The following MSS51 variants were observed in gnomAD, a reference collection of about 807,000 sequenced individuals.
The protein encoded by MSS51 is MSS51 mitochondrial translational activator, also known as putative protein MSS51 homolog, mitochondrial.
Under a neutral mutation model 40.2 loss-of-function variants are expected in MSS51, and 32 were observed. The ratio of observed to expected loss-of-function variants is 0.80; its 90% CI spans 0.60 to 1.07. The LOEUF is 1.07. Among genes scored for constraint, MSS51 ranks in the 50% least tolerant of loss-of-function variants. The pLI is 0.00. For synonymous variants in MSS51, 178 were observed against 214.2 expected (o/e 0.83, Z 1.48); for missense variants, 518 against 568.9 (o/e 0.91, Z 0.91).
Position 73,427,694 on chromosome 10 carries a change from TC to T in MSS51, c.295del (p.Glu99LysfsTer95), listed in dbSNP as rs1191044211. On this transcript the variant is annotated frameshift_variant, in exon 3 of 7. Coordinates refer to ENST00000299432, the MANE Select transcript of MSS51 (RefSeq NM_001024593.2). LOFTEE classifies it high-confidence loss of function. ...RCPQEMFQRMEDTFRFCAHCR... is the reference protein window; with the variant it reads ...RCPQEMFQRMXDTFRFCAHCR... ...GTGAGCACAGAATCGAAATGTGTCT[TC>T]CATCCTCTGGAACATTTCTTGAGGA... 1 of 1,614,202 alleles carries T rather than the reference TC, an allele frequency of 6.2e-7. No homozygotes were observed. The highest frequency in any genetic ancestry group is 1.1e-5 in the South Asian group (1 of 91,082).
In MSS51 at chr10:73,425,926, C is replaced by G. The variant is rs2055983228; in HGVS notation, c.954G>C (p.Leu318=). 1 of 1,614,152 alleles carries G rather than the reference C, an allele frequency of 6.2e-7. No homozygotes were observed. Among genetic ancestry groups the G allele is most frequent in the Non-Finnish European group, 8.5e-7 (1 of 1,180,034 alleles). The change falls in exon 5 of 7, where the codon CTG becomes CTC. Residue 318 remains leucine (L), a synonymous_variant. Transcript: ENST00000299432. The part of the protein sequence containing the change: ...GFSQSTSTSP[L]EPGTIQLSAH... The stretch of plus-strand genomic sequence containing the variant: ...CACTAAGCTGAATTGTGCCAGGTTC[C>G]AGGGGTGAAGTTGAGGTGCTCTGTG...
Position 73,427,665 on chromosome 10 carries a change from T to TAC in MSS51, c.323_324dup (p.Arg109ValfsTer86). The TAC allele has an allele frequency of 1.2e-6, 2 of 1,614,054 alleles. No homozygotes were observed. The highest frequency in any genetic ancestry group is 2.7e-5 in the African/African-American group (2 of 75,044). On this transcript the variant is annotated frameshift_variant, in exon 3 of 7. Coordinates refer to ENST00000299432, the MANE Select transcript of MSS51 (RefSeq NM_001024593.2). LOFTEE classifies it high-confidence loss of function. ...TCTGAAAGCCCACTAGGGAGTGCTC[T>TAC]ACAGTGAGCACAGAATCGAAATGTG...
chr10:73,426,721 C>A lies in MSS51; in HGVS notation c.388G>T (p.Val130Phe). 3 of 1,613,974 alleles carry A rather than the reference C, an allele frequency of 1.9e-6. No homozygotes were observed. The highest frequency in any genetic ancestry group is 2.5e-6 in the Non-Finnish European group (3 of 1,179,972). The change falls in exon 4 of 7, where the codon GTC (valine) becomes TTC (phenylalanine). Residue 130 changes from valine (V) to phenylalanine (F), a missense_variant. Transcript: ENST00000299432. ...TGGCACTCTGGACCACAGTAATAGA[C>A]ATTTCTGCACCTGAGAGAATGAGAG... is the stretch of plus-strand genomic sequence containing the variant. ...VLRHCKRCRN[V>F]YYCGPECQKS...
At chr10:73,428,868 T>C (rs942063798) in intron 1 of MSS51, among the ~76,000 whole-genome samples, 1 of 152,012 alleles carries the variant, frequency 6.6e-6, no homozygotes, top group Admixed American at 6.6e-5. Flanking sequence ...CACATATATA[T>C]ATATAAGTAA....
At position 73,428,262 on chromosome 10, in the gene MSS51, C is replaced by T. The variant is rs745874433; in HGVS notation, c.23G>A (p.Arg8Gln). ...TGATGAGGGAGGTTTCTTGTGCCTTCGTCGCCGGGACCGTGGAGCCATGGC... is the reference window on the plus strand; with the variant it reads ...TGATGAGGGAGGTTTCTTGTGCCTTTGTCGCCGGGACCGTGGAGCCATGGC... MAPRSRR[R>Q]RHKKPPSSVA... The change falls in exon 2 of 7, where the codon CGA becomes CAA. Residue 8 changes from arginine (R) to glutamine (Q), a missense_variant. Arg to Gln is a conservative substitution (Grantham distance 43). Transcript: ENST00000299432. The T allele has an allele frequency of 2.0e-5, 33 of 1,612,810 alleles. No homozygotes were observed. The highest frequency in any genetic ancestry group is 2.6e-5 in the Non-Finnish European group (31 of 1,179,306).
Position 73,424,595 on chromosome 10 carries a change from C to T in MSS51, c.1341G>A (p.Leu447=), listed in dbSNP as rs978180868. 6.2e-6 allele frequency: 10 copies of T among 1,613,972 alleles called. No individual in the cohort carries two copies. In the African/African-American group the frequency reaches 9.3e-5, roughly 15 times the overall value. Residue 447 remains leucine (L), a synonymous_variant, in exon 7 of 7, where the codon CTG becomes CTA. Transcript: ENST00000299432. ...CTTTCTCTTCTAATTGCCTATTATC[C>T]AGCTGACAGGAGCTTCCAAGAAACA... The part of the protein sequence containing the change: ...YIMFLGSSCQ[L]DNRQLEEKVD...
Position 73,427,640 on chromosome 10 carries a change from T to C in MSS51, c.350A>G (p.Asp117Gly). Residue 117 changes from aspartate (D) to glycine (G), a missense_variant, in exon 3 of 7, where the codon GAC (aspartate) becomes GGC (glycine). Asp to Gly is a moderately conservative substitution (Grantham distance 94). Coordinates refer to ENST00000299432, the MANE Select transcript of MSS51 (RefSeq NM_001024593.2). ...CTTACAGTGCCGGAGAACCTTGGAG[T>C]CTGAAAGCCCACTAGGGAGTGCTCT... is the stretch of plus-strand genomic sequence containing the variant. Reference protein sequence around the residue: ...HCRALPSGLSDSKVLRHCKRC... With the variant: ...HCRALPSGLSGSKVLRHCKRC... 6.2e-7 allele frequency: 1 copy of C among 1,612,726 alleles called. No individual in the cohort carries two copies. Among genetic ancestry groups the C allele is most frequent in the Non-Finnish European group, 8.5e-7 (1 of 1,179,080 alleles).
chr10:73,424,679 A>T lies in MSS51; in HGVS notation c.1257T>A (p.Pro419=), dbSNP rs917203231. The change falls in exon 7 of 7, where the codon CCT becomes CCA. Residue 419 remains proline (P), a synonymous_variant. Coordinates refer to ENST00000299432, the MANE Select transcript of MSS51 (RefSeq NM_001024593.2). ...TGTTGGGACTGGAATAGACCTGTTC[A>T]GGTTTGAGGGACATGAAAGGATTAG... is the stretch of plus-strand genomic sequence containing the variant. ...FGSNPFMSLK[P]EQVYSSPNKQ... 1 of 1,614,152 alleles carries T rather than the reference A, an allele frequency of 6.2e-7. No homozygotes were observed. The highest frequency in any genetic ancestry group is 8.5e-7 in the Non-Finnish European group (1 of 1,179,990).
At chr10:73,426,497 A>C in intron 4 of MSS51, 110 bp downstream of exon 4, 1 of 1,587,050 alleles carries the variant, frequency 6.3e-7, no homozygotes, top group South Asian at 1.2e-5. Flanking sequence ...GGCGTGCCCC[A>C]TCCTTTGCCC....
At chr10:73,426,544 T>A in intron 4 of MSS51, 63 bp downstream of exon 4, 1 of 1,609,754 alleles carries the variant, frequency 6.2e-7, no homozygotes, top group South Asian at 1.1e-5. Flanking sequence ...TGATTTTGTA[T>A]CTTCCTTTAA....
At chr10:73,428,695 C>T (rs916885347) in intron 1 of MSS51, among the ~76,000 whole-genome samples, 1 of 151,552 alleles carries the variant, frequency 6.6e-6, no homozygotes, top group African/African-American at 2.4e-5. Flanking sequence ...CCATGTTGGT[C>T]AGGCTGGTCT....
intron 1 of MSS51, among the ~76,000 whole-genome samples, chr10:73,430,921 T>A (rs1487611121): frequency 6.6e-6 from 1 of 152,190 alleles, no homozygotes; most frequent in Non-Finnish European, 1.5e-5. Context: ...AATATACATA[T>A]GAAGATGTAT....
In MSS51 at chr10:73,425,188, A is replaced by G; in HGVS notation, c.1073T>C (p.Phe358Ser). ...PDLVAAFHPG[F>S]HSSPDLMEAW... is the part of the protein sequence containing the mutation. ...CTCCATCAAGTCTGGGGAGGAATGAAAACCTGTGGAACAAAAATGAAAATG... is the reference window on the plus strand; with the variant it reads ...CTCCATCAAGTCTGGGGAGGAATGAGAACCTGTGGAACAAAAATGAAAATG... The change falls in exon 6 of 7, where the codon TTT (phenylalanine) becomes TCT (serine). Residue 358 changes from phenylalanine (F) to serine (S), a missense_variant. Transcript: ENST00000299432. The G allele has an allele frequency of 6.3e-7, 1 of 1,583,420 alleles. No homozygotes were observed. Among genetic ancestry groups the G allele is most frequent in the Middle Eastern group, 1.7e-4 (1 of 5,872 alleles).
intron 1 of MSS51, among the ~76,000 whole-genome samples, chr10:73,431,032 T>C (rs2056025474): frequency 6.6e-6 from 1 of 152,142 alleles, no homozygotes. Flanking sequence ...ACACAAAATG[T>C]TGTATACATG....
rs372234525 is a variant in MSS51, at chr10:73,424,548, T to G, written c.*5A>C. 1 of 1,607,196 alleles carries G rather than the reference T, an allele frequency of 6.2e-7. No homozygotes were observed. The highest frequency in any genetic ancestry group is 1.3e-5 in the African/African-American group (1 of 74,788). On this transcript the variant is annotated 3_prime_UTR_variant, in exon 7 of 7. Transcript: ENST00000299432. ...CCGTTTTCCAGATGTCCAGTTATGA[T>G]CTATTTAAATCCCGCCGTCCACTTT...
In MSS51 at chr10:73,426,776, T is replaced by C. The variant is rs1564541469; in HGVS notation, c.378-45A>G. 7 of 1,601,824 alleles carry C rather than the reference T, an allele frequency of 4.4e-6. No homozygotes were observed. In the Admixed American group the frequency reaches 8.5e-5, roughly 19 times the overall value. ...ATAGTTCTTATACTATAAATATGAT[T>C]GGGGTTATCGGAGGAAAGGAACTGA... On this transcript the variant is annotated intron_variant, in intron 3 of 6. Transcript: ENST00000299432.
rs1280318248 is a variant in MSS51, at chr10:73,428,096, T to C, written c.189A>G (p.Gln63=). The change falls in exon 2 of 7, where the codon CAA becomes CAG. Residue 63 remains glutamine, a synonymous_variant. Coordinates refer to ENST00000299432, the MANE Select transcript of MSS51 (RefSeq NM_001024593.2). ...CTTCATAGCTTTTCATGTTCAGCTT[T>C]TGAAGGATCAGCTGCGATAGGCCAG... ...NVPGLSQLIL[Q]KLNMKSYEEY... 6.2e-7 allele frequency: 1 copy of C among 1,614,022 alleles called. No individual in the cohort carries two copies. The highest frequency in any genetic ancestry group is 8.5e-7 in the Non-Finnish European group (1 of 1,180,028).
chr10:73,426,096 C>T lies in MSS51; in HGVS notation c.784G>A (p.Gly262Arg). Reference protein sequence around the residue: ...ALGIDVRRTGGSTVHVVGASH... With the variant: ...ALGIDVRRTGRSTVHVVGASH... ...GCACCAACCACATGCACTGTGCTTC[C>T]CCCAGTCCTCCTAACATCTATCCCC... is the stretch of plus-strand genomic sequence containing the variant. Residue 262 changes from glycine to arginine, a missense_variant, in exon 5 of 7, where the codon GGA becomes AGA. Coordinates refer to ENST00000299432, the MANE Select transcript of MSS51 (RefSeq NM_001024593.2). 1 of 1,614,226 alleles carries T rather than the reference C, an allele frequency of 6.2e-7. No homozygotes were observed. The highest frequency in any genetic ancestry group is 1.1e-5 in the South Asian group (1 of 91,086).
chr10:73,427,761 C>G lies in MSS51; in HGVS notation c.229G>C (p.Val77Leu), dbSNP rs1375433871. 1.9e-6 allele frequency: 3 copies of G among 1,613,900 alleles called. No homozygotes were observed. The highest frequency in any genetic ancestry group is 3.3e-5 in the Admixed American group (2 of 59,988). ...CCTGATACGGGGGTACCCCCATCTACCACCAACCTGCAGAGACAGCATGGA... is the reference window on the plus strand; with the variant it reads ...CCTGATACGGGGGTACCCCCATCTAGCACCAACCTGCAGAGACAGCATGGA... ...MKSYEEYKLV[V>L]DGGTPVSGFG... is the part of the protein sequence containing the mutation. Residue 77 changes from valine to leucine, a missense_variant, in exon 3 of 7, where the codon GTA becomes CTA. Val to Leu is a conservative substitution (Grantham distance 32). Transcript: ENST00000299432.
Sources: allele counts gnomAD v4.1 joint callset (sites outside exome capture counted in the v4.1 genomes callset), GRCh38; gene constraint gnomAD v4.1.1; transcripts MANE v1.5; gene names NCBI Gene and HGNC (gene_info 2026-07-23, HGNC 2026-07-21).